The following CRACR2A variants were observed in gnomAD, a reference collection of about 807,000 sequenced individuals.
CRACR2A encodes EF-hand calcium-binding domain-containing protein 4B.
A neutral mutation model predicts 90.5 loss-of-function variants in CRACR2A; 79 were observed. The ratio of observed to expected loss-of-function variants is 0.87; its 90% confidence interval spans 0.73 to 1.05. The LOEUF is 1.05. CRACR2A is among the 50% of genes least tolerant of loss of function. The pLI is 0.00. For synonymous variants in CRACR2A, 338 were observed against 356.7 expected, an observed-to-expected ratio of 0.95 and a Z score of 0.59; for missense variants, 823 against 897.2, an observed-to-expected ratio of 0.92 and a Z score of 1.06.
intron 2 of CRACR2A, chr12:3,725,836 A>G (rs1238499912): frequency 6.6e-6 from 1 of 152,136 alleles, no homozygotes; most frequent in Non-Finnish European, 1.5e-5. Context: ...GGAGCACCAC[A>G]TCTCCCGGAC....
intron 15 of CRACR2A, among the ~76,000 whole-genome samples, chr12:3,632,907 A>G (rs376091067): frequency 6.6e-6 from 1 of 152,226 alleles, no homozygotes; most frequent in Non-Finnish European, 1.5e-5. Flanking sequence ...ATTCAAGCTG[A>G]AAGGTCCATA....
intron 4 of CRACR2A, 28 bp downstream of exon 4, chr12:3,696,744 G>A: frequency 1.2e-6 from 2 of 1,613,590 alleles, no homozygotes; most frequent in Non-Finnish European, 1.7e-6. Context: ...CATTCTCAGT[G>A]GGCAGGCCTA....
intron 8 of CRACR2A, among the ~76,000 whole-genome samples, chr12:3,657,879 A>G (rs996434233): frequency 1.3e-5 from 2 of 152,158 alleles, no homozygotes; most frequent in Non-Finnish European, 2.9e-5. Flanking sequence ...GTGATTAGGT[A>G]CTTCCTTCAC....
At chr12:3,739,791 G>A (rs114654763) in intron 1 of CRACR2A, among the ~76,000 whole-genome samples, 3,658 of 151,982 alleles carry the variant, frequency 0.024, 157 homozygotes, top group African/African-American at 0.083. Context: ...AAAATCAGCC[G>A]GACATGGTGG....
At chr12:3,720,032 T>A (rs1254610397) in intron 2 of CRACR2A, among the ~76,000 whole-genome samples, 1 of 151,446 alleles carries the variant, frequency 6.6e-6, no homozygotes, top group Non-Finnish European at 1.5e-5. Context: ...GGCAGGAGAA[T>A]CGCTTGAACC....
At chr12:3,671,026 C>A (rs1945231358) in intron 7 of CRACR2A, among the ~76,000 whole-genome samples, 1 of 152,178 alleles carries the variant, frequency 6.6e-6, no homozygotes, top group South Asian at 2.1e-4. Context: ...AGTGGCTTGA[C>A]TTTTATCTCA....
intron 6 of CRACR2A, among the ~76,000 whole-genome samples, chr12:3,674,668 C>T (rs1255809196): frequency 6.6e-6 from 1 of 152,158 alleles, no homozygotes; most frequent in Non-Finnish European, 1.5e-5. Context: ...ATCAATTAAA[C>T]TTTATTCTAG....
At chr12:3,713,687 C>T (rs765318837) in intron 2 of CRACR2A, among the ~76,000 whole-genome samples, 12 of 152,192 alleles carry the variant, frequency 7.9e-5, no homozygotes, top group South Asian at 4.1e-4. Flanking sequence ...AATCCACAGA[C>T]GCTGTCTACA....
At chr12:3,693,342 T>A (rs1271577939) in intron 4 of CRACR2A, among the ~76,000 whole-genome samples, 1 of 152,104 alleles carries the variant, frequency 6.6e-6, no homozygotes, top group Non-Finnish European at 1.5e-5. Flanking sequence ...CCAGGCTGGG[T>A]CCCTCAGAGA....
chr12:3,700,843 T>C (rs1190754645), intron 3 of CRACR2A, among the ~76,000 whole-genome samples: 1 of 152,232 alleles, frequency 6.6e-6, no homozygotes, highest in African/African-American at 2.4e-5. Flanking sequence ...ATGATTTGAA[T>C]ACTATCAACC....
At chr12:3,669,315 A>G (rs1294581235) in intron 7 of CRACR2A, among the ~76,000 whole-genome samples, 12 of 152,210 alleles carry the variant, frequency 7.9e-5, no homozygotes, top group Admixed American at 7.9e-4. Context: ...TTGTTCCAGA[A>G]AAAGGTAAAT....
intron 5 of CRACR2A, 38 bp from the exon 6 acceptor site, chr12:3,679,136 T>A: frequency 6.5e-7 from 1 of 1,549,140 alleles, no homozygotes; most frequent in Non-Finnish European, 8.7e-7. Flanking sequence ...AATTAGACCA[T>A]ACCCATCCAG....
intron 3 of CRACR2A, 79 bp from the exon 4 acceptor site, chr12:3,697,114 G>A (rs1945755089): frequency 1.4e-6 from 2 of 1,455,834 alleles, no homozygotes; most frequent in Non-Finnish European, 1.8e-6. Context: ...GGGATGAGAA[G>A]GAAGCACAGA....
chr12:3,744,909 T>C (rs910681549), intron 1 of CRACR2A, among the ~76,000 whole-genome samples: 1 of 152,172 alleles, frequency 6.6e-6, no homozygotes, highest in Non-Finnish European at 1.5e-5. Flanking sequence ...CACTGCGCAG[T>C]ATACTTAAAA....
At chr12:3,736,438 G>A (rs1323565025) in intron 1 of CRACR2A, among the ~76,000 whole-genome samples, 1 of 152,130 alleles carries the variant, frequency 6.6e-6, no homozygotes, top group Non-Finnish European at 1.5e-5. Context: ...ACTTGGAAAT[G>A]TTAAGCTTGA....
At chr12:3,707,708 T>C (rs886678916) in intron 3 of CRACR2A, among the ~76,000 whole-genome samples, 5 of 152,238 alleles carry the variant, frequency 3.3e-5, no homozygotes, top group Admixed American at 2.6e-4. Context: ...TTTCAAAGGC[T>C]GTCAGTGCTG....
intron 14 of CRACR2A, among the ~76,000 whole-genome samples, chr12:3,634,858 T>A (rs1271164083): frequency 1.3e-5 from 2 of 152,054 alleles, no homozygotes; most frequent in African/African-American, 4.8e-5. Flanking sequence ...AAACTAAAAG[T>A]TAAAAAAAAA....
intron 1 of CRACR2A, among the ~76,000 whole-genome samples, chr12:3,747,228 AT>A (rs1359853577): frequency 6.6e-5 from 10 of 152,316 alleles, no homozygotes; most frequent in Non-Finnish European, 1.2e-4. Context: ...CTTGAAACAG[AT>A]GAGGAAGATG....
rs140122637 is a variant in CRACR2A, at chr12:3,655,228, A to G, written c.859-829T>C. On this transcript the variant is annotated intron_variant, in intron 9 of 19. Transcript: ENST00000440314. ...CATGCAGTAATTAAATCGAGTGGCA[A>G]TCATTCATTTGAGGGATAAATGTAA... 3.4e-3 allele frequency among the ~76,000 whole-genome samples: 516 copies of G among 152,372 alleles called. 5 individuals carry two copies. The highest frequency in any genetic ancestry group is 0.012 in the African/African-American group (489 of 41,586).
Sources: gnomAD v4.1 joint callset for allele counts (sites outside exome capture counted in the v4.1 genomes callset) on GRCh38, gnomAD v4.1.1 for gene constraint, MANE v1.5 for transcripts, NCBI Gene and HGNC (gene_info 2026-07-23, HGNC 2026-07-21) for gene names.